Variants in KCNIP4 observed in about 807,000 individuals in gnomAD.
KCNIP4 encodes the protein Kv channel-interacting protein 4.
A neutral mutation model predicts 34.0 loss-of-function variants in KCNIP4; 12 were observed. The observed-to-expected ratio is 0.35, with a 90% CI of 0.23 to 0.57. The LOEUF (loss-of-function observed/expected upper bound fraction) is 0.57, where lower values mean the gene tolerates loss of function less well. Among genes scored for constraint, KCNIP4 ranks in the 20% least tolerant of loss-of-function variants. The probability of loss-of-function intolerance (pLI) is 0.83; values close to 1 mark genes in which losing one functional copy is unlikely to be tolerated. For synonymous variants in KCNIP4, 124 were observed against 102.2 expected (o/e 1.21, Z -1.29); for missense variants, 238 against 311.7 (o/e 0.76, Z 1.78).
intron 1 of KCNIP4, among the ~76,000 whole-genome samples, chr4:21,221,105 T>G (rs1170351896): frequency 6.6e-6 from 1 of 152,192 alleles, no homozygotes; most frequent in Non-Finnish European, 1.5e-5. Context: ...TCCTTAGGCC[T>G]CCAGTGGTTA....
chr4:21,027,845 C>G (rs570622506), intron 1 of KCNIP4, among the ~76,000 whole-genome samples: 1 of 152,166 alleles, frequency 6.6e-6, no homozygotes, highest in South Asian at 2.1e-4. Context: ...TTAAAAAAAT[C>G]TTATCTAACC....
intron 1 of KCNIP4, among the ~76,000 whole-genome samples, chr4:21,908,430 C>A (rs1015063503): frequency 5.9e-5 from 9 of 152,138 alleles, no homozygotes; most frequent in Non-Finnish European, 1.3e-4. Flanking sequence ...CCTGTGATGG[C>A]TTCCTATGCA....
intron 1 of KCNIP4, among the ~76,000 whole-genome samples, chr4:21,900,494 T>C (rs556102270): frequency 6.6e-6 from 1 of 152,264 alleles, no homozygotes; most frequent in Admixed American, 6.5e-5. Context: ...AATGAGAAAG[T>C]AGTACCAATC....
chr4:21,350,114 A>C (rs1717862697), intron 1 of KCNIP4, among the ~76,000 whole-genome samples: 1 of 152,142 alleles, frequency 6.6e-6, no homozygotes, highest in Non-Finnish European at 1.5e-5. Flanking sequence ...TAAATTATTC[A>C]CCAATTTTGG....
At chr4:21,135,058 C>G (rs1278179985) in intron 1 of KCNIP4, among the ~76,000 whole-genome samples, 1 of 152,172 alleles carries the variant, frequency 6.6e-6, no homozygotes, top group Non-Finnish European at 1.5e-5. Context: ...AGGTAAACTC[C>G]GAGATCTTTT....
rs749639987 is a variant in KCNIP4, at chr4:21,035,630, T to C, written c.62-152921A>G. On this transcript the variant is annotated intron_variant, in intron 1 of 8. Transcript: ENST00000382152. ...AACTAGGAGACAAGTATATATGACA[T>C]AGTGGAGACTGTTTAGGAAAAGAAA... Among the ~76,000 whole-genome samples, 39 of 152,214 alleles carry C rather than the reference T, an allele frequency of 2.6e-4. 1 individual carries two copies. The highest frequency in any genetic ancestry group is 2.5e-4 in the Non-Finnish European group (17 of 68,034).
chr4:21,388,344 A>T (rs1374537521), intron 1 of KCNIP4, among the ~76,000 whole-genome samples: 1 of 151,586 alleles, frequency 6.6e-6, no homozygotes, highest in Non-Finnish European at 1.5e-5. Flanking sequence ...CTGAATCTGA[A>T]TTTTCTAGGC....
At chr4:20,862,433 T>C (rs1722300477) in intron 2 of KCNIP4, among the ~76,000 whole-genome samples, 1 of 152,098 alleles carries the variant, frequency 6.6e-6, no homozygotes, top group Admixed American at 6.6e-5. Context: ...AGAAATTTAA[T>C]TGAACTTACA....
intron 3 of KCNIP4, among the ~76,000 whole-genome samples, chr4:20,823,710 A>C (rs1318673491): frequency 2.0e-5 from 3 of 152,190 alleles, no homozygotes. Flanking sequence ...ATGATCAATA[A>C]ATTTGTTGTT....
chr4:21,321,534 C>T (rs985535916), intron 1 of KCNIP4, among the ~76,000 whole-genome samples: 4 of 151,502 alleles, frequency 2.6e-5, no homozygotes, highest in Non-Finnish European at 5.9e-5. Context: ...ACGAAGAAGG[C>T]TTTTGGCAAA....
rs35669431 is a variant in KCNIP4, at chr4:21,422,196, C to CTT, written c.61+526373_61+526374dup. On this transcript the variant is annotated intron_variant, in intron 1 of 8. Transcript: ENST00000382152. ...TATATTATAAAATTTCTGCAGCCTA[C>CTT]TTTTTTTTTTTTTTTTTGAGACGGA... Among the ~76,000 whole-genome samples the CTT allele has an allele frequency of 1.3e-4, 18 of 141,964 alleles. No individual in the cohort carries two copies. In the South Asian group the frequency reaches 1.6e-3, roughly 12 times the overall value. The allele number at this position is 141,964 out of a possible 152,430, so 93.1% of individuals were successfully genotyped here.
At chr4:21,336,659 A>G (rs1716210420) in intron 1 of KCNIP4, among the ~76,000 whole-genome samples, 1 of 152,090 alleles carries the variant, frequency 6.6e-6, no homozygotes, top group Non-Finnish European at 1.5e-5. Context: ...TGGCAGTACT[A>G]CTGAAATTGG....
chr4:20,830,909 C>A (rs1718348694), intron 3 of KCNIP4, among the ~76,000 whole-genome samples: 1 of 152,126 alleles, frequency 6.6e-6, no homozygotes, highest in Admixed American at 6.6e-5. Context: ...AGAAACAAAT[C>A]TGAATTGAGA....
At chr4:21,902,458 G>A (rs1727759495) in intron 1 of KCNIP4, among the ~76,000 whole-genome samples, 1 of 152,010 alleles carries the variant, frequency 6.6e-6, no homozygotes, top group Admixed American at 6.6e-5. Context: ...GTGGTGGTCT[G>A]AGAAAGAAAG....
At chr4:21,313,687 TC>T (rs1467756179) in intron 1 of KCNIP4, among the ~76,000 whole-genome samples, 1 of 152,186 alleles carries the variant, frequency 6.6e-6, no homozygotes, top group Admixed American at 6.5e-5. Flanking sequence ...CAAAGTGGCC[TC>T]AAAGAATTAA....
chr4:21,437,758 A>G (rs1727074088), intron 1 of KCNIP4, among the ~76,000 whole-genome samples: 1 of 152,214 alleles, frequency 6.6e-6, no homozygotes. Context: ...TTTTTGTAAC[A>G]AAATAAAAGG....
At chr4:21,638,576 G>A (rs894829866) in intron 1 of KCNIP4, among the ~76,000 whole-genome samples, 11 of 152,130 alleles carry the variant, frequency 7.2e-5, no homozygotes, top group Non-Finnish European at 1.2e-4. Flanking sequence ...CCGTGTAAAT[G>A]CAAGCAAATT....
intron 1 of KCNIP4, among the ~76,000 whole-genome samples, chr4:21,921,354 T>C (rs183230282): frequency 5.8e-4 from 88 of 152,262 alleles, no homozygotes; most frequent in Non-Finnish European, 2.1e-4. Flanking sequence ...TCTCTATGCA[T>C]GATCTTCCCA....
At chr4:20,909,793 G>C (rs190833300) in intron 1 of KCNIP4, among the ~76,000 whole-genome samples, 1 of 151,960 alleles carries the variant, frequency 6.6e-6, no homozygotes, top group Non-Finnish European at 1.5e-5. Context: ...ATGGGTGAAG[G>C]CTTATGCTTT....
Sources: gnomAD v4.1 joint callset for allele counts (sites outside exome capture counted in the v4.1 genomes callset) on GRCh38, gnomAD v4.1.1 for gene constraint, MANE v1.5 for transcripts, NCBI Gene and HGNC (gene_info 2026-07-23, HGNC 2026-07-21) for gene names.